OBSL1: variants seen among roughly 807,000 people sequenced by gnomAD.
The protein encoded by OBSL1 is obscurin-like protein 1.
Under a neutral mutation model 172.0 loss-of-function variants are expected in OBSL1, and 160 were observed. That is an observed-to-expected ratio of 0.93 (90% CI 0.82 to 1.06). The LOEUF (loss-of-function observed/expected upper bound fraction) is 1.06, where lower values mean the gene tolerates loss of function less well. Among genes scored for constraint, OBSL1 ranks in the 50% least tolerant of loss-of-function variants. The probability of loss-of-function intolerance (pLI) is 0.00; values close to 1 mark genes in which losing one functional copy is unlikely to be tolerated. For missense variants in OBSL1, 2,681 were observed against 2,715.4 expected (o/e 0.99, Z 0.28); for synonymous variants, 1,200 against 1,196.3 (o/e 1.00, Z -0.06).
At chr2:219,553,146 C>T in intron 16 of OBSL1, 122 bp from the exon 17 acceptor site, 1 of 1,300,506 alleles carries the variant, frequency 7.7e-7, no homozygotes. Context: ...ATGCGTGTCT[C>T]GTGTTCCCAG....
rs769610669 is a variant in OBSL1, at chr2:219,568,153, C to T, written c.1184G>A (p.Arg395Gln). ...CTTCAGCCTGTGGATGATGAGGCGCCGGACAGTGCCCTCTTCGATCTGCTC... is the reference window on the plus strand; with the variant it reads ...CTTCAGCCTGTGGATGATGAGGCGCTGGACAGTGCCCTCTTCGATCTGCTC... ...KYEQIEEGTV[R>Q]RLIIHRLKAD... The change falls in exon 2 of 21, where the codon CGG becomes CAG. Residue 395 changes from arginine (R) to glutamine (Q), a missense_variant. By Grantham distance (43) the Arg-to-Gln change is conservative. Around this residue, in one of 5 missense-constraint regions of OBSL1, gnomAD observed 706 missense variants for 695.8 expected, o/e 1.01. Coordinates refer to ENST00000404537, the MANE Select transcript of OBSL1 (RefSeq NM_015311.3). The surrounding 1 kb of genome is among the most constrained non-coding windows in gnomAD (Gnocchi z 4.1). The T allele has an allele frequency of 4.3e-6, 7 of 1,613,812 alleles. No homozygotes were observed. The highest frequency in any genetic ancestry group is 2.2e-5 in the South Asian group (2 of 91,090).
At chr2:219,547,863 C>T (rs1416480709), downstream of OBSL1, 8 of 1,588,778 alleles carry the variant, frequency 5.0e-6, no homozygotes, top group Non-Finnish European at 6.8e-6. Context: ...ACCACCCTGG[C>T]CACCGCCGTG....
Position 219,553,022 on chromosome 2 carries a change from G to T in OBSL1, c.4992C>A (p.Asp1664Glu). The change falls in exon 17 of 21, where the codon GAC becomes GAA. Residue 1664 changes from aspartate to glutamate, a missense_variant and splice_region_variant. This residue lies in a region of OBSL1 where 1,765 missense variants were observed against 1,748.3 expected (regional missense o/e 1.01). Coordinates refer to ENST00000404537, the MANE Select transcript of OBSL1 (RefSeq NM_015311.3). ...QALADVTWEK[D>E]GNALTPSPRL... ...GCGGGCTAGGCGTAAGCGCGTTCCC[G>T]TCCTAGGGGCGGGAGTTGCAGAGGG... 2 of 1,506,144 alleles carry T rather than the reference G, an allele frequency of 1.3e-6. No individual in the cohort carries two copies. The highest frequency in any genetic ancestry group is 1.3e-5 in the South Asian group (1 of 79,556). The allele number at this position is 1,506,144 out of a possible 1,614,324, so 93.3% of individuals were successfully genotyped here.
downstream of OBSL1, chr2:219,548,211 G>C: frequency 1.1e-6 from 1 of 869,714 alleles, no homozygotes. Context: ...ACTTGCTCAG[G>C]GTCTGGGAGG....
In OBSL1 at chr2:219,552,935, C is replaced by G; in HGVS notation, c.5079G>C (p.Ser1693=). The part of the protein sequence containing the change: ...RLLQLRRCGP[S]DAGTYSCAVG... ...CCGCGCAGCTGTAGGTCCCGGCGTC[C>G]GAGGGGCCGCAGCGTCGCAGCTGGA... Residue 1693 remains serine, a synonymous_variant, in exon 17 of 21, where the codon TCG becomes TCC. Coordinates refer to ENST00000404537, the MANE Select transcript of OBSL1 (RefSeq NM_015311.3). The G allele has an allele frequency of 6.5e-7, 1 of 1,536,316 alleles. No homozygotes were observed.
rs1404084791 is a variant in OBSL1, at chr2:219,562,536, T to A, written c.2819A>T (p.Glu940Val). The A allele has an allele frequency of 6.2e-7, 1 of 1,613,800 alleles. No individual in the cohort carries two copies. Among genetic ancestry groups the A allele is most frequent in the African/African-American group, 1.3e-5 (1 of 74,928 alleles). ...CTTCTGCAGGAGCAGCGCGGGGCTC[T>A]CCACCACCTCCTCTCCATCCTTGGT... ...RWTKDGEEVV[E>V]SPALLLQKED... Residue 940 changes from glutamate (E) to valine (V), a missense_variant, in exon 8 of 21, where the codon GAG (glutamate) becomes GTG (valine). By Grantham distance (121) the Glu-to-Val change is moderately radical. Coordinates refer to ENST00000404537, the MANE Select transcript of OBSL1 (RefSeq NM_015311.3).
At chr2:219,547,600 G>T, downstream of OBSL1, 1 of 1,481,634 alleles carries the variant, frequency 6.7e-7, no homozygotes. Flanking sequence ...GGGTGCTAGA[G>T]ACACAGCTGA....
chr2:219,553,286 A>G (rs1404546048), intron 16 of OBSL1, among the ~76,000 whole-genome samples: 1 of 152,150 alleles, frequency 6.6e-6, no homozygotes, highest in Non-Finnish European at 1.5e-5. Context: ...ATCACAGGGG[A>G]CATGGGCACG....
In OBSL1 at chr2:219,556,482, C is replaced by T. The variant is rs781319450; in HGVS notation, c.4308G>A (p.Thr1436=). 19 of 1,613,676 alleles carry T rather than the reference C, an allele frequency of 1.2e-5. No homozygotes were observed. Among genetic ancestry groups the T allele is most frequent in the Admixed American group, 5.0e-5 (3 of 60,002 alleles). The change falls in exon 13 of 21, where the codon ACG becomes ACA. Residue 1436 remains threonine (T), a synonymous_variant. Transcript: ENST00000404537. ...AGTVTLRAGS[T]ATSARLHVRE... ...GAACATGGAGCCGGGCACTTGTGGC[C>T]GTGCTCCCTGCCCGCAAAGTCACGG... is the stretch of plus-strand genomic sequence containing the variant.
downstream of OBSL1, chr2:219,548,146 A>C (rs887573935): frequency 7.2e-7 from 1 of 1,389,482 alleles, no homozygotes; most frequent in Non-Finnish European, 9.5e-7. Flanking sequence ...TTGGGGGCCA[A>C]GTGACTGGGG....
chr2:219,554,135 G>A, intron 15 of OBSL1: 1 of 427,280 alleles, frequency 2.3e-6, no homozygotes, highest in Non-Finnish European at 4.3e-6. Flanking sequence ...GGGAGCCACG[G>A]CAGACAGTGT....
In OBSL1 at chr2:219,558,056, G is replaced by A. The variant is rs764786051; in HGVS notation, c.3557C>T (p.Ala1186Val). 3 of 1,613,668 alleles carry A rather than the reference G, an allele frequency of 1.9e-6. No homozygotes were observed. The highest frequency in any genetic ancestry group is 1.3e-5 in the African/African-American group (1 of 75,068). The change falls in exon 11 of 21, where the codon GCC becomes GTC. Residue 1186 changes from alanine (A) to valine (V), a missense_variant. By Grantham distance (64) the Ala-to-Val change is moderately conservative. Around this residue, in one of 5 missense-constraint regions of OBSL1, gnomAD observed 1,765 missense variants for 1,748.3 expected, o/e 1.01. Coordinates refer to ENST00000404537, the MANE Select transcript of OBSL1 (RefSeq NM_015311.3). ...LETTPSPLCV[A>V]PGEPVVLSCE... is the part of the protein sequence containing the mutation. ...GCTCAGCACCACTGGCTCCCCAGGG[G>A]CCACACAGAGCGGGCTTGGAGTTGT... is the stretch of plus-strand genomic sequence containing the variant.
At chr2:219,552,787 G>C (rs1221157141) in intron 17 of OBSL1, 81 bp downstream of exon 17, 3 of 1,516,788 alleles carry the variant, frequency 2.0e-6, no homozygotes, top group African/African-American at 1.4e-5. Flanking sequence ...AAGCACGCGC[G>C]GTCATCAGGG....
At chr2:219,549,823 C>G (rs370771518), downstream of OBSL1, 8 of 1,614,018 alleles carry the variant, frequency 5.0e-6, no homozygotes, top group African/African-American at 1.1e-4. Flanking sequence ...GGACCTCTGA[C>G]AGCCTGCTCA....
At chr2:219,554,397 T>A (rs1323527369) in intron 15 of OBSL1, 77 bp downstream of exon 15, 1 of 1,519,360 alleles carries the variant, frequency 6.6e-7, no homozygotes, top group South Asian at 1.2e-5. Context: ...GTCACACGAG[T>A]TGGGGGTCAG....
chr2:219,559,470 C>T lies in OBSL1; in HGVS notation c.2981G>A (p.Arg994His), dbSNP rs139713392. ...CACGGCGATCAAGGTCACCTCATCG[C>T]GAGGGTATATGATCCGCACTGGGGG... ...TEPPVRIIYP[R>H]DEVTLIAVTL... Residue 994 changes from arginine (R) to histidine (H), a missense_variant, in exon 9 of 21, where the codon CGC (arginine) becomes CAC (histidine). Arg to His is a conservative substitution (Grantham distance 29). This residue lies in a region of OBSL1 where 1,765 missense variants were observed against 1,748.3 expected (regional missense o/e 1.01). Coordinates refer to ENST00000404537, the MANE Select transcript of OBSL1 (RefSeq NM_015311.3). 5.5e-4 allele frequency: 884 copies of T among 1,613,700 alleles called. 6 individuals are homozygous for T. In the East Asian group the frequency reaches 0.015, roughly 28 times the overall value.
In OBSL1 at chr2:219,568,170, G is replaced by A. The variant is rs771196625; in HGVS notation, c.1167C>T (p.Ile389=). 6.8e-5 allele frequency: 109 copies of A among 1,613,656 alleles called. No individual in the cohort carries two copies. Among genetic ancestry groups the A allele is most frequent in the Non-Finnish European group, 8.9e-5 (105 of 1,179,896 alleles). The part of the protein sequence containing the change: ...RLLPCRKYEQ[I]EEGTVRRLII... ...TGAGGCGCCGGACAGTGCCCTCTTC[G>A]ATCTGCTCGTACTTGCGGCAGGGCA... The change falls in exon 2 of 21, where the codon ATC becomes ATT. Residue 389 remains isoleucine (I), a synonymous_variant. Transcript: ENST00000404537. This position sits in a 1 kb window ranked among gnomAD's most constrained non-coding sequence, Gnocchi z 4.1.
In OBSL1 at chr2:219,571,342, C is replaced by A. The variant is rs1574590660; in HGVS notation, c.-110G>T. On this transcript the variant is annotated 5_prime_UTR_variant, in exon 1 of 21. Transcript: ENST00000404537. Reference sequence around the variant, plus strand: ...TCGGGGCGCGGCTGGGGACTGGGCGCGGGGACCCGCGGAGCTCTCCCGGGC... The same window carrying A: ...TCGGGGCGCGGCTGGGGACTGGGCGAGGGGACCCGCGGAGCTCTCCCGGGC... 3.1e-6 allele frequency: 2 copies of A among 654,394 alleles called. No individual in the cohort carries two copies. The highest frequency in any genetic ancestry group is 7.8e-5 in the East Asian group (2 of 25,800). The allele number at this position is 654,394 out of a possible 1,614,324, so 40.5% of individuals were successfully genotyped here.
intron 6 of OBSL1, 92 bp downstream of exon 6, chr2:219,565,150 T>A (rs1016938134): frequency 7.4e-7 from 1 of 1,347,530 alleles, no homozygotes; most frequent in Middle Eastern, 2.0e-4. Flanking sequence ...TGTAAAGGAC[T>A]CCCCCAAGTA....
Sources: gnomAD v4.1 joint callset for allele counts (sites outside exome capture counted in the v4.1 genomes callset) on GRCh38, gnomAD v4.1.1 for gene constraint, gnomAD v4.1.1 regional missense constraint, Gnocchi (gnomAD v3.1) non-coding constraint, MANE v1.5 for transcripts, NCBI Gene and HGNC (gene_info 2026-07-23, HGNC 2026-07-21) for gene names.